TMEM182: variants seen among roughly 807,000 people sequenced by gnomAD.
TMEM182 encodes transmembrane protein 182.
TMEM182 carries 20 observed loss-of-function variants against 26.8 expected under a neutral mutation model. That is an observed-to-expected ratio of 0.75 (90% CI 0.53 to 1.09). The LOEUF (loss-of-function observed/expected upper bound fraction) is 1.09. TMEM182 is among the 50% of genes least tolerant of loss of function. The pLI, the probability that TMEM182 is intolerant of heterozygous loss-of-function variation, is 0.00. For missense variants in TMEM182, 277 were observed against 275.5 expected, an observed-to-expected ratio of 1.01 and a Z score of -0.04; for synonymous variants, 109 against 102.2, an observed-to-expected ratio of 1.07 and a Z score of -0.40.
intron 4 of TMEM182, among the ~76,000 whole-genome samples, chr2:102,808,462 T>G (rs1188065169): frequency 6.6e-6 from 1 of 152,214 alleles, no homozygotes; most frequent in Admixed American, 6.5e-5. Flanking sequence ...CTTCAGCAGG[T>G]GCACTTCAGG....
In TMEM182 at chr2:102,748,314, A is replaced by T. The variant is rs375739219; in HGVS notation, c.-82-10075A>T. Among the ~76,000 whole-genome samples, 16 of 152,302 alleles carry T rather than the reference A, an allele frequency of 1.1e-4. No homozygotes were observed. The East Asian group carries it at 1.4e-3, about 13-fold the overall frequency. On this transcript the variant is annotated intron_variant, in intron 1 of 5. Coordinates refer to the TMEM182 transcript ENST00000409173. ...GGTTCTCTTGGCTCTGGGTCTATCT[A>T]GTCCTGTGAGTGGCCCTCTCACTGC...
At chr2:102,775,132 C>T (rs1052269685) in intron 3 of TMEM182, 1 of 152,166 alleles carries the variant, frequency 6.6e-6, no homozygotes, top group African/African-American at 2.4e-5. Flanking sequence ...TTATTTAGGT[C>T]TTCTTTGATT....
At chr2:102,812,439 C>T (rs888407842) in intron 4 of TMEM182, among the ~76,000 whole-genome samples, 1 of 150,080 alleles carries the variant, frequency 6.7e-6, no homozygotes, top group Admixed American at 6.6e-5. Flanking sequence ...ACTGGTTTAC[C>T]CCATGGGTGA....
intron 3 of TMEM182, among the ~76,000 whole-genome samples, chr2:102,837,729 G>A (rs369727532): frequency 3.9e-5 from 6 of 152,208 alleles, no homozygotes; most frequent in Admixed American, 2.0e-4. Flanking sequence ...TGGGCCCTGA[G>A]TACCTCAAGT....
At chr2:102,751,990 T>G (rs1273851343) in intron 1 of TMEM182, among the ~76,000 whole-genome samples, 1 of 152,156 alleles carries the variant, frequency 6.6e-6, no homozygotes, top group East Asian at 1.9e-4. Context: ...GATACTAGTC[T>G]TGCCAGATCA....
chr2:102,783,530 TTTCCACCACA>T (rs1196579496), intron 3 of TMEM182, among the ~76,000 whole-genome samples: 1 of 152,140 alleles, frequency 6.6e-6, no homozygotes, highest in Non-Finnish European at 1.5e-5. Context: ...CCAGCAGACA[TTTCCACCACA>T]TTCCTTTAGC....
intron 3 of TMEM182, chr2:102,775,415 A>G (rs1402466112): frequency 6.6e-6 from 1 of 152,180 alleles, no homozygotes; most frequent in Non-Finnish European, 1.5e-5. Context: ...ATCTATGACA[A>G]ACCCACAGCC....
At chr2:102,767,017 T>C (rs1680481061) in intron 3 of TMEM182, among the ~76,000 whole-genome samples, 1 of 152,228 alleles carries the variant, frequency 6.6e-6, no homozygotes, top group African/African-American at 2.4e-5. Flanking sequence ...CAGCTGCTTA[T>C]TGGCAGAGCC....
intron 3 of TMEM182, among the ~76,000 whole-genome samples, chr2:102,787,264 A>C (rs1041803563): frequency 6.6e-6 from 1 of 151,990 alleles, no homozygotes; most frequent in African/African-American, 2.4e-5. Flanking sequence ...ATTTCTCATC[A>C]CTCTGAAGGT....
chr2:102,740,054 A>G lies in TMEM182; in HGVS notation c.-83+3041A>G, dbSNP rs73003313. 1.9e-3 allele frequency among the ~76,000 whole-genome samples: 288 copies of G among 152,310 alleles called. 1 individual carries two copies. The highest frequency in any genetic ancestry group is 6.8e-3 in the Middle Eastern group (2 of 294). On this transcript the variant is annotated intron_variant, in intron 1 of 5. Coordinates refer to the TMEM182 transcript ENST00000409173. The stretch of plus-strand genomic sequence containing the variant: ...AAAATATTGCTCAGAAATGGGAAAA[A>G]TTTCAAAATAAATGAAATATAACGT...
chr2:102,838,097 C>G (rs1187916372), intron 3 of TMEM182, among the ~76,000 whole-genome samples: 1 of 152,212 alleles, frequency 6.6e-6, no homozygotes, highest in Non-Finnish European at 1.5e-5. Context: ...TTTATAAATT[C>G]ATGAAGTCTT....
chr2:102,794,860 G>A (rs1681803373), intron 3 of TMEM182, among the ~76,000 whole-genome samples: 1 of 151,998 alleles, frequency 6.6e-6, no homozygotes. Context: ...AAGTTTTCAG[G>A]CATTACTTTT....
chr2:102,809,718 C>T (rs2540277), intron 4 of TMEM182, among the ~76,000 whole-genome samples: 6,572 of 152,232 alleles, frequency 0.043, 188 homozygotes, highest in Non-Finnish European at 0.066. Context: ...ATGAGGAAGC[C>T]GATGCTATCA....
At position 102,755,992 on chromosome 2, in the gene TMEM182, A is replaced by T. The variant is rs534977650; in HGVS notation, c.-82-2397A>T. 8.9e-4 allele frequency among the ~76,000 whole-genome samples: 135 copies of T among 152,322 alleles called. 1 individual carries two copies. The highest frequency in any genetic ancestry group is 5.4e-3 in the Admixed American group (83 of 15,298). ...AAAGAACATGTAGTTCATAGTAGGC[A>T]CTTGGTAAATATTTATTGAAGGAAC... On this transcript the variant is annotated intron_variant, in intron 1 of 5. Coordinates refer to the TMEM182 transcript ENST00000409173.
chr2:102,765,911 G>A (rs964760790), intron 3 of TMEM182, among the ~76,000 whole-genome samples: 1 of 152,194 alleles, frequency 6.6e-6, no homozygotes, highest in Non-Finnish European at 1.5e-5. Context: ...GGACTTAGAA[G>A]TATACAAGCC....
At chr2:102,822,198 A>G (rs1034538361), downstream of TMEM182, among the ~76,000 whole-genome samples, 2 of 152,130 alleles carry the variant, frequency 1.3e-5, no homozygotes, top group African/African-American at 4.8e-5. Context: ...GGAGATGCAC[A>G]CTGGGGAGTC....
chr2:102,800,779 G>A (rs1462400399), intron 4 of TMEM182, among the ~76,000 whole-genome samples: 5 of 143,014 alleles, frequency 3.5e-5, no homozygotes, highest in Non-Finnish European at 6.0e-5. Flanking sequence ...CCTGGTTTTC[G>A]TTCTGGTTTT....
At chr2:102,841,669 A>G (rs1683353659) in intron 3 of TMEM182, among the ~76,000 whole-genome samples, 1 of 152,236 alleles carries the variant, frequency 6.6e-6, no homozygotes, top group African/African-American at 2.4e-5. Flanking sequence ...CTAAAGCAGA[A>G]CAATTATCCA....
chr2:102,803,238 A>AAGTT (rs1177890405), intron 4 of TMEM182, among the ~76,000 whole-genome samples: 1 of 152,208 alleles, frequency 6.6e-6, no homozygotes, highest in Non-Finnish European at 1.5e-5. Context: ...GACAGCTCAC[A>AAGTT]AGTTATTGCC....
Sources: gnomAD v4.1 joint callset for allele counts (sites outside exome capture counted in the v4.1 genomes callset) on GRCh38, gnomAD v4.1.1 for gene constraint, MANE v1.5 for transcripts, NCBI Gene and HGNC (gene_info 2026-07-23, HGNC 2026-07-21) for gene names.